TDG: variants seen among roughly 807,000 people sequenced by gnomAD.
The protein encoded by TDG is G/T mismatch-specific thymine DNA glycosylase.
In TDG, 23 loss-of-function variants were observed where a neutral mutation model predicts 46.1. The ratio of observed to expected loss-of-function variants is 0.50; its 90% CI spans 0.36 to 0.71. The LOEUF (loss-of-function observed/expected upper bound fraction) is 0.71. Among genes scored for constraint, TDG ranks in the 30% least tolerant of loss-of-function variants. TDG has a pLI of 0.00. For missense variants in TDG, 304 were observed against 486.7 expected, an observed-to-expected ratio of 0.62 and a Z score of 3.53; for synonymous variants, 115 against 161.3, an observed-to-expected ratio of 0.71 and a Z score of 2.18.
chr12:103,975,195 A>G (rs1423888093), intron 1 of TDG, among the ~76,000 whole-genome samples: 5 of 152,118 alleles, frequency 3.3e-5, no homozygotes, highest in African/African-American at 1.2e-4. Context: ...AGGCCATGAG[A>G]AGTATTTTTT....
At chr12:103,980,765 T>C (rs548570984) in intron 3 of TDG, 128 bp from the exon 4 acceptor site, 2 of 699,616 alleles carry the variant, frequency 2.9e-6, no homozygotes, top group South Asian at 3.9e-5. Context: ...TGATAAATGA[T>C]ATTGCTTATG....
At chr12:103,970,339 A>G (rs926061297) in intron 1 of TDG, among the ~76,000 whole-genome samples, 2 of 152,088 alleles carry the variant, frequency 1.3e-5, no homozygotes, top group Non-Finnish European at 2.9e-5. Flanking sequence ...TTAGCCAGGC[A>G]TAGATGCATG....
At chr12:103,978,870 T>C (rs1035954015) in intron 2 of TDG, among the ~76,000 whole-genome samples, 1 of 152,134 alleles carries the variant, frequency 6.6e-6, no homozygotes, top group Non-Finnish European at 1.5e-5. Flanking sequence ...TTCTGTAATG[T>C]GCAGTACAGC....
Position 103,976,975 on chromosome 12 carries a change from T to A in TDG, c.81T>A (p.Ala27=). 6.2e-7 allele frequency: 1 copy of A among 1,614,046 alleles called. No individual in the cohort carries two copies. The highest frequency in any genetic ancestry group is 8.5e-7 in the Non-Finnish European group (1 of 1,179,976). Residue 27 remains alanine, a synonymous_variant, in exon 2 of 10, where the codon GCT becomes GCA. Coordinates refer to ENST00000392872, the MANE Select transcript of TDG (RefSeq NM_003211.6). ...CGTTTCCATTTCAACAACTGATGGC[T>A]GAAGCTCCTAATATGGCAGTTGTGA... ...FYTFPFQQLM[A]EAPNMAVVNE... is the part of the protein sequence containing the mutation.
chr12:103,974,431 C>T (rs1464198226), intron 1 of TDG, among the ~76,000 whole-genome samples: 3 of 152,088 alleles, frequency 2.0e-5, no homozygotes, highest in Non-Finnish European at 4.4e-5. Flanking sequence ...CATGTACCAC[C>T]ATGCCCAGCT....
chr12:103,972,890 G>C lies in TDG; in HGVS notation c.24-4028G>C, dbSNP rs1053900065. 19 of 611,870 alleles carry C rather than the reference G, an allele frequency of 3.1e-5. No individual in the cohort carries two copies. The South Asian group carries it at 3.7e-4, about 12-fold the overall frequency. The allele number at this position is 611,870 out of a possible 1,614,324, so 37.9% of individuals were successfully genotyped here. On this transcript the variant is annotated intron_variant, in intron 1 of 9. Transcript: ENST00000392872. ...GACCTCCGACTATACTAAAAGTTTT[G>C]AAAAATTTTTTTAAAGTAAAGAATC...
intron 7 of TDG, among the ~76,000 whole-genome samples, chr12:103,984,445 A>G (rs868139732): frequency 1.3e-5 from 2 of 152,244 alleles, no homozygotes; most frequent in Middle Eastern, 6.8e-3. Flanking sequence ...AAATACAAAA[A>G]TTAGCCAGGC....
chr12:103,984,513 G>C (rs1872010968), intron 7 of TDG, among the ~76,000 whole-genome samples: 1 of 152,156 alleles, frequency 6.6e-6, no homozygotes, highest in Non-Finnish European at 1.5e-5. Flanking sequence ...AGAATCGCTT[G>C]AACCCAGGAG....
intron 1 of TDG, among the ~76,000 whole-genome samples, chr12:103,971,733 G>A (rs4135061): frequency 0.77 from 116,399 of 152,112 alleles, 44,797 homozygotes; most frequent in East Asian, 1. Flanking sequence ...AAAAGTGAAC[G>A]AAGAGAAATA....
At chr12:103,968,218 G>A (rs981708857) in intron 1 of TDG, among the ~76,000 whole-genome samples, 1 of 152,144 alleles carries the variant, frequency 6.6e-6, no homozygotes. Context: ...TTTTCTAAGG[G>A]TACTGGGGAG....
chr12:103,986,729 A>C (rs985078106), intron 9 of TDG: 45 of 426,106 alleles, frequency 1.1e-4, no homozygotes, highest in African/African-American at 7.4e-4. Context: ...AAAAAAAAAA[A>C]CTTCAAATAA....
chr12:103,974,988 A>AAAAAAG (rs1164242662), intron 1 of TDG, among the ~76,000 whole-genome samples: 33 of 139,736 alleles, frequency 2.4e-4, no homozygotes, highest in African/African-American at 7.5e-4. Context: ...AAAAAAAAAA[A>AAAAAAG]AAAAAGAAAA....
intron 1 of TDG, among the ~76,000 whole-genome samples, chr12:103,971,623 T>C (rs1479777646): frequency 6.6e-6 from 1 of 151,862 alleles, no homozygotes; most frequent in Non-Finnish European, 1.5e-5. Context: ...AGAAGGTAAG[T>C]GCAAATGGAG....
At chr12:103,985,166 T>TACATACACACAC (rs1555275231) in intron 8 of TDG, among the ~76,000 whole-genome samples, 8,584 of 138,300 alleles carry the variant, frequency 0.062, 355 homozygotes, top group East Asian at 0.093. Flanking sequence ...TATAGACACA[T>TACATACACACAC]ACACACACAC....
At chr12:103,966,411 G>A (rs945487462) in intron 1 of TDG, among the ~76,000 whole-genome samples, 2 of 152,188 alleles carry the variant, frequency 1.3e-5, no homozygotes, top group Non-Finnish European at 2.9e-5. Context: ...CCATTACCAC[G>A]CAGAGAGCTG....
At chr12:103,979,744 G>A in intron 2 of TDG, 87 bp from the exon 3 acceptor site, 1 of 1,475,724 alleles carries the variant, frequency 6.8e-7, no homozygotes, top group Non-Finnish European at 9.0e-7. Context: ...AGGTACAAAA[G>A]GTGCTAGTTG....
rs1412211212 is a variant in TDG at position 103,988,170 on chromosome 12, C to T, written c.*1080C>T. 6.6e-6 allele frequency: 1 copy of T among 152,482 alleles called. No homozygotes were observed. The highest frequency in any genetic ancestry group is 6.5e-5 in the Admixed American group (1 of 15,286). 9.4% of individuals were successfully genotyped at this position (152,482 alleles called of 1,614,324 possible). Reference sequence around the variant, plus strand: ...AGTTTTCCATGGTGCTACAAATAATCCAGACTACCAGGTCTGGTAGATATT... The same window carrying T: ...AGTTTTCCATGGTGCTACAAATAATTCAGACTACCAGGTCTGGTAGATATT... On this transcript the variant is annotated 3_prime_UTR_variant, in exon 10 of 10. Coordinates refer to ENST00000392872, the MANE Select transcript of TDG (RefSeq NM_003211.6).
intron 1 of TDG, 60 bp downstream of exon 1, chr12:103,966,120 G>GGC (rs371681998): frequency 3.3e-4 from 446 of 1,364,492 alleles, no homozygotes; most frequent in African/African-American, 9.1e-4. Context: ...CAGGCTGGCT[G>GGC]GCGCGCGCGC....
At position 103,988,836 on chromosome 12, in the gene TDG, G is replaced by T. The variant is rs1013695734; in HGVS notation, c.*1746G>T. ...TTAAAATTCATTTGAAAGTCTGATG[G>T]CTTTTACAATAAAAGATATTAAGAA... On this transcript the variant is annotated 3_prime_UTR_variant, in exon 10 of 10. Transcript: ENST00000392872. 3 of 152,072 alleles carry T rather than the reference G, an allele frequency of 2.0e-5. No homozygotes were observed. Among genetic ancestry groups the T allele is most frequent in the African/African-American group, 7.2e-5 (3 of 41,402 alleles). 9.4% of individuals were successfully genotyped at this position (152,072 alleles called of 1,614,324 possible). A position where few individuals can be genotyped will look rare whatever the true frequency, so the allele number is the denominator to read the frequency against.
Sources: allele counts gnomAD v4.1 joint callset (sites outside exome capture counted in the v4.1 genomes callset), GRCh38; gene constraint gnomAD v4.1.1; transcripts MANE v1.5; gene names NCBI Gene and HGNC (gene_info 2026-07-23, HGNC 2026-07-21).